The following PRKN variants were observed in gnomAD, a reference collection of about 807,000 sequenced individuals.
PRKN encodes parkin RBR E3 ubiquitin protein ligase, also known as E3 ubiquitin-protein ligase parkin.
In PRKN, 56 loss-of-function variants were observed where a neutral mutation model predicts 59.5. The ratio of observed to expected loss-of-function variants is 0.94; its 90% CI spans 0.76 to 1.18. PRKN has a LOEUF of 1.18. Among genes scored for constraint, PRKN ranks in the 50% most tolerant of loss-of-function variants. The pLI is 0.00. For synonymous variants in PRKN, 250 were observed against 222.1 expected, an observed-to-expected ratio of 1.13 and a Z score of -1.12; for missense variants, 657 against 596.4, an observed-to-expected ratio of 1.10 and a Z score of -1.06.
At chr6:161,900,257 G>A (rs185224329) in intron 6 of PRKN, among the ~76,000 whole-genome samples, 3 of 151,022 alleles carry the variant, frequency 2.0e-5, no homozygotes, top group African/African-American at 4.9e-5. Flanking sequence ...ACTATGCACC[G>A]TGCAGGTGAG....
chr6:161,777,826 GTATATGTATACGTA>G (rs1260560644), intron 7 of PRKN, among the ~76,000 whole-genome samples: 70 of 133,932 alleles, frequency 5.2e-4, no homozygotes, highest in Non-Finnish European at 2.0e-4. Flanking sequence ...GTGTATATAT[GTATATGTATACGTA>G]TATATGTATA....
rs547701988 is a variant in PRKN at position 162,709,291 on chromosome 6, T to C, written c.7+18371A>G. Among the ~76,000 whole-genome samples, 8 of 152,166 alleles carry C rather than the reference T, an allele frequency of 5.3e-5. No homozygotes were observed. In the East Asian group the frequency reaches 1.5e-3, roughly 29 times the overall value. On this transcript the variant is annotated intron_variant, in intron 1 of 11. Transcript: ENST00000366898. ...TCCTCGCCCTGATCCATGGAAAAAT[T>C]GTCTTATGAAACCGATCCCTGGTGC...
At chr6:162,478,019 GGTCCTAGAGCGCAGA>G (rs1466325158) in intron 1 of PRKN, among the ~76,000 whole-genome samples, 10 of 152,002 alleles carry the variant, frequency 6.6e-5, no homozygotes, top group Admixed American at 3.9e-4. Flanking sequence ...TAGAGCACAG[GGTCCTAGAGCGCAGA>G]GTCCTAGAGC....
chr6:161,875,709 A>AC (rs1794709328), intron 6 of PRKN, among the ~76,000 whole-genome samples: 1 of 152,026 alleles, frequency 6.6e-6, no homozygotes, highest in Admixed American at 6.6e-5. Flanking sequence ...TTCACGTGGG[A>AC]CCCCAAGGCC....
At chr6:161,627,459 G>T (rs1036155854) in intron 7 of PRKN, among the ~76,000 whole-genome samples, 1 of 152,214 alleles carries the variant, frequency 6.6e-6, no homozygotes, top group African/African-American at 2.4e-5. Context: ...ATTAAAAACA[G>T]TGTTTACTAT....
chr6:161,818,113 C>G (rs1458965193), intron 6 of PRKN, among the ~76,000 whole-genome samples: 1 of 152,030 alleles, frequency 6.6e-6, no homozygotes, highest in Non-Finnish European at 1.5e-5. Context: ...TGCAGATGAA[C>G]CTAATTAGAT....
In PRKN at chr6:161,458,234, C is replaced by G. The variant is rs1377569453; in HGVS notation, c.1084-71357G>C. ...TAAAGAAGGCCTGGTGTCTCTGCTG[C>G]CACTTACAGATTTCAGAAACGTGTT... On this transcript the variant is annotated intron_variant, in intron 9 of 11. Coordinates refer to ENST00000366898, the MANE Select transcript of PRKN (RefSeq NM_004562.3). This position sits in a 1 kb window ranked among gnomAD's most constrained non-coding sequence, Gnocchi z 6.1. 6.6e-6 allele frequency among the ~76,000 whole-genome samples: 1 copy of G among 152,160 alleles called. No homozygotes were observed. The highest frequency in any genetic ancestry group is 2.4e-5 in the African/African-American group (1 of 41,434).
chr6:162,012,298 G>C, intron 5 of PRKN, among the ~76,000 whole-genome samples: 1 of 151,774 alleles, frequency 6.6e-6, no homozygotes, highest in East Asian at 1.9e-4. Context: ...TTTTTTTCAC[G>C]TTTAGTTTAT....
intron 1 of PRKN, among the ~76,000 whole-genome samples, chr6:162,677,807 T>C (rs1779612135): frequency 1.3e-5 from 2 of 152,216 alleles, no homozygotes; most frequent in South Asian, 4.1e-4. Flanking sequence ...TTGAAAGCTC[T>C]ATTGAGGTCT....
At chr6:161,583,972 A>C (rs1781436686) in intron 7 of PRKN, among the ~76,000 whole-genome samples, 1 of 152,178 alleles carries the variant, frequency 6.6e-6, no homozygotes, top group Non-Finnish European at 1.5e-5. Context: ...TCCATTTAAC[A>C]TTTCCATCAT....
In PRKN at chr6:161,523,946, C is replaced by T. The variant is rs867822878; in HGVS notation, c.1083+24908G>A. 3.3e-5 allele frequency among the ~76,000 whole-genome samples: 5 copies of T among 152,248 alleles called. 1 individual carries two copies. In the Middle Eastern group the frequency reaches 0.014, roughly 414 times the overall value. On this transcript the variant is annotated intron_variant, in intron 9 of 11. Transcript: ENST00000366898. ...TCAGCAAGAGAGAGACTGGGAATAA[C>T]ATTTCCCGTATCACTTGGGAAGTAA... is the stretch of plus-strand genomic sequence containing the variant.
At chr6:162,547,502 T>C (rs1288871861) in intron 1 of PRKN, among the ~76,000 whole-genome samples, 3 of 152,208 alleles carry the variant, frequency 2.0e-5, no homozygotes, top group Admixed American at 6.5e-5. Context: ...AGGCAGCAAT[T>C]CTTTCTCCCA....
intron 9 of PRKN, among the ~76,000 whole-genome samples, chr6:161,435,253 C>A (rs1324558744): frequency 1.3e-5 from 2 of 152,122 alleles, no homozygotes; most frequent in Non-Finnish European, 2.9e-5. Flanking sequence ...TACAAGGAAC[C>A]TTTTGGACAT....
intron 2 of PRKN, among the ~76,000 whole-genome samples, chr6:162,330,746 G>A (rs1783529213): frequency 6.6e-6 from 1 of 152,174 alleles, no homozygotes; most frequent in Non-Finnish European, 1.5e-5. Context: ...TTACTCTGCT[G>A]TCCTATGAAA....
Position 161,445,228 on chromosome 6 carries a change from G to A in PRKN, c.1084-58351C>T, listed in dbSNP as rs1173978176. ...GGGAGAGGGGGCTCAACTTTCTGAC[G>A]GCCACTTAGAGGCTGCCTGACCACA... is the stretch of plus-strand genomic sequence containing the variant. On this transcript the variant is annotated intron_variant, in intron 9 of 11. Transcript: ENST00000366898. This position sits in a 1 kb window ranked among gnomAD's most constrained non-coding sequence, Gnocchi z 7.7. Among the ~76,000 whole-genome samples, 11 of 152,160 alleles carry A rather than the reference G, an allele frequency of 7.2e-5. No individual in the cohort carries two copies. The highest frequency in any genetic ancestry group is 2.4e-4 in the African/African-American group (10 of 41,528).
Position 161,581,080 on chromosome 6 carries a change from T to C in PRKN, c.872-11664A>G, listed in dbSNP as rs1046469426. On this transcript the variant is annotated intron_variant, in intron 7 of 11. Transcript: ENST00000366898. This position sits in a 1 kb window ranked among gnomAD's most constrained non-coding sequence, Gnocchi z 4.5. ...CACACACACACACACACACACAAAATAGCCAGGCGTGGTGGCATGCCCTTG... is the reference window on the plus strand; with the variant it reads ...CACACACACACACACACACACAAAACAGCCAGGCGTGGTGGCATGCCCTTG... Among the ~76,000 whole-genome samples the C allele has an allele frequency of 4.0e-5, 4 of 99,970 alleles. No individual in the cohort carries two copies. Among genetic ancestry groups the C allele is most frequent in the East Asian group, 3.6e-4 (1 of 2,744 alleles). 65.6% of individuals were successfully genotyped at this position (99,970 alleles called of 152,430 possible). A position where few individuals can be genotyped will look rare whatever the true frequency, so the allele number is the denominator to read the frequency against.
At chr6:162,547,159 T>C (rs1016607040) in intron 1 of PRKN, among the ~76,000 whole-genome samples, 1 of 152,164 alleles carries the variant, frequency 6.6e-6, no homozygotes, top group Non-Finnish European at 1.5e-5. Context: ...GTCTTGCCTA[T>C]TATGTTTCTG....
At chr6:161,715,587 C>T (rs1008818639) in intron 7 of PRKN, among the ~76,000 whole-genome samples, 7 of 152,176 alleles carry the variant, frequency 4.6e-5, no homozygotes, top group African/African-American at 1.7e-4. Flanking sequence ...GGGTGGCTGG[C>T]TAGTTCTAAA....
In PRKN at chr6:161,549,061, G is replaced by C. The variant is rs998452659; in HGVS notation, c.934-58C>G. 2 of 1,590,682 alleles carry C rather than the reference G, an allele frequency of 1.3e-6. No homozygotes were observed. The highest frequency in any genetic ancestry group is 1.7e-5 in the Admixed American group (1 of 59,956). On this transcript the variant is annotated intron_variant, in intron 8 of 11. Transcript: ENST00000366898. The surrounding 1 kb of genome is among the most constrained non-coding windows in gnomAD (Gnocchi z 6.0). ...AACTGACTGCAAATTTCAGCCAAAG[G>C]GTTAGGAGCTACAGTGCATGGGATT... is the stretch of plus-strand genomic sequence containing the variant.
Sources: gnomAD v4.1 joint callset for allele counts (sites outside exome capture counted in the v4.1 genomes callset) on GRCh38, gnomAD v4.1.1 for gene constraint, Gnocchi (gnomAD v3.1) non-coding constraint, MANE v1.5 for transcripts, NCBI Gene and HGNC (gene_info 2026-07-23, HGNC 2026-07-21) for gene names.